The following EPHA6 variants were observed in gnomAD, a reference collection of about 807,000 sequenced individuals.
EPHA6 encodes the protein EPH receptor A6.
In EPHA6, 50 loss-of-function variants were observed where a neutral mutation model predicts 112.0. The ratio of observed to expected loss-of-function variants is 0.45; its 90% CI spans 0.36 to 0.56. The LOEUF (loss-of-function observed/expected upper bound fraction) is 0.56, where lower values mean the gene tolerates loss of function less well. Ranked by LOEUF, EPHA6 falls within the 20% of genes least tolerant of loss-of-function variation. The pLI is 0.00. For missense variants in EPHA6, 1,280 were observed against 1,417.4 expected, an observed-to-expected ratio of 0.90 and a Z score of 1.56; for synonymous variants, 529 against 490.7, an observed-to-expected ratio of 1.08 and a Z score of -1.03.
chr3:96,879,973 G>A (rs2037211325), intron 2 of EPHA6, among the ~76,000 whole-genome samples: 1 of 152,002 alleles, frequency 6.6e-6, no homozygotes, highest in South Asian at 2.1e-4. Flanking sequence ...AGGGGGCAGT[G>A]AAGGATGAAA....
intron 1 of EPHA6, among the ~76,000 whole-genome samples, chr3:96,822,469 G>T (rs1178627013): frequency 6.6e-6 from 1 of 151,734 alleles, no homozygotes; most frequent in Non-Finnish European, 1.5e-5. Flanking sequence ...TTGGTGACCT[G>T]TGCTTGATAG....
chr3:97,009,082 C>G (rs994691679), intron 3 of EPHA6, among the ~76,000 whole-genome samples: 3 of 152,074 alleles, frequency 2.0e-5, no homozygotes, highest in African/African-American at 7.2e-5. Context: ...GTCTGACAAC[C>G]CAGTTGAGTG....
chr3:97,264,991 A>G (rs1238082120), intron 5 of EPHA6, among the ~76,000 whole-genome samples: 2 of 152,186 alleles, frequency 1.3e-5, no homozygotes, highest in Non-Finnish European at 2.9e-5. Context: ...TTCAGCTCTC[A>G]TTAGAGAGGG....
At chr3:97,023,025 T>G (rs570327788) in intron 3 of EPHA6, among the ~76,000 whole-genome samples, 1 of 152,308 alleles carries the variant, frequency 6.6e-6, no homozygotes, top group African/African-American at 2.4e-5. Flanking sequence ...TCTCTGTTGG[T>G]CATTGCTTTC....
chr3:97,425,228 C>T (rs1477686861), intron 6 of EPHA6, among the ~76,000 whole-genome samples: 1 of 152,212 alleles, frequency 6.6e-6, no homozygotes, highest in Non-Finnish European at 1.5e-5. Flanking sequence ...CCACTGGGGA[C>T]TCTGTGTGGG....
At chr3:97,048,009 A>G (rs1294129765) in intron 3 of EPHA6, among the ~76,000 whole-genome samples, 1 of 152,218 alleles carries the variant, frequency 6.6e-6, no homozygotes, top group Non-Finnish European at 1.5e-5. Flanking sequence ...TAGAAATATC[A>G]TGTTTTAGTT....
chr3:96,862,383 T>C (rs2036058713), intron 1 of EPHA6, among the ~76,000 whole-genome samples: 1 of 151,928 alleles, frequency 6.6e-6, no homozygotes, highest in Admixed American at 6.6e-5. Context: ...AGCTTCTAAA[T>C]TGAATGATTC....
At chr3:97,673,676 A>G (rs2031080555) in intron 14 of EPHA6, among the ~76,000 whole-genome samples, 1 of 152,192 alleles carries the variant, frequency 6.6e-6, no homozygotes, top group Non-Finnish European at 1.5e-5. Flanking sequence ...ACTTTATTCC[A>G]AAGACCACTA....
At chr3:97,499,869 T>G (rs777704531) in intron 10 of EPHA6, among the ~76,000 whole-genome samples, 2 of 152,204 alleles carry the variant, frequency 1.3e-5, no homozygotes, top group Non-Finnish European at 2.9e-5. Context: ...CACTACTGTA[T>G]GTAAACTTTA....
intron 6 of EPHA6, chr3:97,447,903 C>A: frequency 2.2e-6 from 1 of 454,546 alleles, no homozygotes; most frequent in Non-Finnish European, 3.0e-6. Context: ...ATCTACTTCA[C>A]AGTCACTATG....
chr3:97,148,742 T>C (rs2076100427), intron 3 of EPHA6, among the ~76,000 whole-genome samples: 1 of 152,104 alleles, frequency 6.6e-6, no homozygotes, highest in Admixed American at 6.6e-5. Flanking sequence ...GTCTGGATAT[T>C]ATGGACCATT....
At chr3:97,501,275 A>G (rs1362018174) in intron 10 of EPHA6, among the ~76,000 whole-genome samples, 3 of 152,128 alleles carry the variant, frequency 2.0e-5, no homozygotes, top group African/African-American at 7.2e-5. Flanking sequence ...ATATATAGAG[A>G]TTGAGTAAAG....
chr3:97,236,288 C>T (rs1265583298), intron 4 of EPHA6, among the ~76,000 whole-genome samples: 1 of 151,544 alleles, frequency 6.6e-6, no homozygotes, highest in African/African-American at 2.4e-5. Flanking sequence ...TTTAAAAGTA[C>T]TTGTCAAGCA....
intron 5 of EPHA6, among the ~76,000 whole-genome samples, chr3:97,383,561 C>G (rs1169129744): frequency 6.6e-6 from 1 of 152,040 alleles, no homozygotes; most frequent in Non-Finnish European, 1.5e-5. Context: ...TTAACATGAT[C>G]TGGAGAATTG....
chr3:97,003,873 A>C (rs2043775423), intron 3 of EPHA6, among the ~76,000 whole-genome samples: 1 of 143,418 alleles, frequency 7.0e-6, no homozygotes. Context: ...ACCCCCACTT[A>C]TGAGTGAGAA....
intron 14 of EPHA6, among the ~76,000 whole-genome samples, chr3:97,701,243 A>G (rs1034152026): frequency 5.3e-5 from 8 of 152,186 alleles, no homozygotes; most frequent in African/African-American, 1.9e-4. Context: ...AGCAGGAGCT[A>G]ATAGACAAAA....
intron 5 of EPHA6, among the ~76,000 whole-genome samples, chr3:97,317,733 G>A (rs910714233): frequency 2.0e-5 from 3 of 151,950 alleles, no homozygotes; most frequent in Non-Finnish European, 4.4e-5. Flanking sequence ...AGGACCTATA[G>A]TGGGAGATGA....
At chr3:97,551,584 T>TA (rs1032381894) in intron 11 of EPHA6, among the ~76,000 whole-genome samples, 12 of 152,180 alleles carry the variant, frequency 7.9e-5, no homozygotes, top group Non-Finnish European at 2.9e-5. Context: ...GTTTAGTTTT[T>TA]ATTCTAGCAT....
intron 2 of EPHA6, among the ~76,000 whole-genome samples, chr3:96,882,154 G>T (rs1234714861): frequency 6.6e-6 from 1 of 152,126 alleles, no homozygotes; most frequent in African/African-American, 2.4e-5. Flanking sequence ...TAGGAACTCT[G>T]TGTGGAGGCT....
Sources: allele counts gnomAD v4.1 joint callset (sites outside exome capture counted in the v4.1 genomes callset), GRCh38; gene constraint gnomAD v4.1.1; transcripts MANE v1.5; gene names NCBI Gene and HGNC (gene_info 2026-07-23, HGNC 2026-07-21).